The following WDFY3 variants were observed in gnomAD, a reference collection of about 807,000 sequenced individuals.
The protein encoded by WDFY3 is WD repeat and FYVE domain-containing protein 3.
In WDFY3, 66 loss-of-function variants were observed where a neutral mutation model predicts 409.6. The observed-to-expected ratio is 0.16, with a 90% CI of 0.13 to 0.20. The LOEUF (loss-of-function observed/expected upper bound fraction) is 0.20, where lower values mean the gene tolerates loss of function less well. Ranked by LOEUF, WDFY3 falls within the 10% of genes least tolerant of loss-of-function variation. The pLI is 1.00. For missense variants in WDFY3, 3,031 were observed against 4,298.1 expected (o/e 0.71, Z 8.24); for synonymous variants, 1,521 against 1,537.1 (o/e 0.99, Z 0.25).
chr4:84,777,270 G>A (rs970077451), intron 27 of WDFY3, among the ~76,000 whole-genome samples: 1 of 151,918 alleles, frequency 6.6e-6, no homozygotes, highest in African/African-American at 2.4e-5. Flanking sequence ...TAGATTTGAG[G>A]ATCAACTCCA....
At chr4:84,762,033 A>G (rs1288716825) in intron 32 of WDFY3, among the ~76,000 whole-genome samples, 1 of 152,192 alleles carries the variant, frequency 6.6e-6, no homozygotes, top group African/African-American at 2.4e-5. Context: ...AACTAGTTCA[A>G]CCATTGTGGA....
intron 2 of WDFY3, among the ~76,000 whole-genome samples, chr4:84,906,199 A>G (rs1767018025): frequency 1.3e-5 from 2 of 152,212 alleles, no homozygotes; most frequent in Non-Finnish European, 2.9e-5. Context: ...TATACAATTT[A>G]AAGTGTTTTA....
chr4:84,945,882 T>C (rs1160843808), intron 1 of WDFY3, among the ~76,000 whole-genome samples: 4 of 152,088 alleles, frequency 2.6e-5, no homozygotes, highest in African/African-American at 9.7e-5. Flanking sequence ...TTTCACTCAA[T>C]TGAAAGCAGA....
rs1188331172 is a variant in WDFY3, at chr4:84,966,358, G to C, written c.-375C>G. On this transcript the variant is annotated 5_prime_UTR_variant, in exon 1 of 68. Coordinates refer to ENST00000295888, the MANE Select transcript of WDFY3 (RefSeq NM_014991.6). ...GCCCGGGAGCCCCGCGCCGCGGGCC[G>C]GGGGCCGGGGCCCGAGCTCGATTCT... The C allele has an allele frequency of 1.3e-5, 2 of 149,876 alleles. No homozygotes were observed. The highest frequency in any genetic ancestry group is 6.6e-5 in the Admixed American group (1 of 15,064). The allele number at this position is 149,876 out of a possible 1,614,324, so 9.3% of individuals were successfully genotyped here.
intron 2 of WDFY3, among the ~76,000 whole-genome samples, chr4:84,909,285 C>G (rs1767459394): frequency 6.6e-6 from 1 of 152,058 alleles, no homozygotes; most frequent in Non-Finnish European, 1.5e-5. Context: ...ATTATGCTTT[C>G]TTGACAGATT....
At chr4:84,795,012 A>G in intron 19 of WDFY3, 33 bp from the exon 20 acceptor site, 1 of 1,447,600 alleles carries the variant, frequency 6.9e-7, no homozygotes, top group Non-Finnish European at 9.2e-7. Flanking sequence ...CATATTAGAG[A>G]TCAATGACTC....
At chr4:84,914,022 T>A (rs1449240919) in intron 2 of WDFY3, among the ~76,000 whole-genome samples, 2 of 152,292 alleles carry the variant, frequency 1.3e-5, no homozygotes, top group East Asian at 3.9e-4. Context: ...ATGATTTTCT[T>A]AGTAACATTT....
At chr4:84,873,927 T>C (rs1238425940) in intron 3 of WDFY3, among the ~76,000 whole-genome samples, 1 of 151,846 alleles carries the variant, frequency 6.6e-6, no homozygotes, top group Non-Finnish European at 1.5e-5. Flanking sequence ...GCTACAGGCA[T>C]GCACAGCCAC....
intron 1 of WDFY3, among the ~76,000 whole-genome samples, chr4:84,953,144 T>G (rs1160271490): frequency 6.6e-6 from 1 of 151,792 alleles, no homozygotes; most frequent in Non-Finnish European, 1.5e-5. Context: ...CAACATGAGT[T>G]GACCCGAAGG....
intron 38 of WDFY3, among the ~76,000 whole-genome samples, chr4:84,741,131 A>G (rs1472244298): frequency 6.6e-6 from 1 of 152,306 alleles, no homozygotes; most frequent in Middle Eastern, 3.4e-3. Context: ...TCAACTCTTC[A>G]TGCTGTGTAA....
At chr4:84,919,758 T>C (rs1401117562) in intron 2 of WDFY3, among the ~76,000 whole-genome samples, 1 of 152,182 alleles carries the variant, frequency 6.6e-6, no homozygotes, top group East Asian at 1.9e-4. Context: ...TCCTGAGGCC[T>C]CCCAGCCATG....
At chr4:84,814,829 A>G (rs1421031749) in intron 13 of WDFY3, among the ~76,000 whole-genome samples, 1 of 152,170 alleles carries the variant, frequency 6.6e-6, no homozygotes, top group Non-Finnish European at 1.5e-5. Context: ...ACACAGGAAA[A>G]AAACATAGTA....
intron 34 of WDFY3, 101 bp downstream of exon 34, chr4:84,755,165 G>A: frequency 2.7e-6 from 4 of 1,498,030 alleles, no homozygotes; most frequent in Non-Finnish European, 3.6e-6. Flanking sequence ...AGATCATGCA[G>A]TAAATAAAGT....
intron 32 of WDFY3, 125 bp downstream of exon 32, chr4:84,765,685 T>A: frequency 1.4e-6 from 1 of 735,326 alleles, no homozygotes; most frequent in Admixed American, 3.0e-5. Context: ...CTTCCTTCTA[T>A]CATTAATTAA....
intron 1 of WDFY3, among the ~76,000 whole-genome samples, chr4:84,935,782 A>G (rs951776488): frequency 6.6e-6 from 1 of 152,208 alleles, no homozygotes; most frequent in Non-Finnish European, 1.5e-5. Flanking sequence ...GAAATCTAAA[A>G]TATTATAAAA....
At chr4:84,855,294 C>G (rs1759606869) in intron 4 of WDFY3, among the ~76,000 whole-genome samples, 1 of 152,186 alleles carries the variant, frequency 6.6e-6, no homozygotes, top group Admixed American at 6.5e-5. Context: ...AAGCCAGGCT[C>G]TTCATCACTC....
intron 2 of WDFY3, among the ~76,000 whole-genome samples, chr4:84,915,965 C>T (rs987990371): frequency 1.3e-5 from 2 of 152,180 alleles, no homozygotes; most frequent in African/African-American, 4.8e-5. Context: ...GAACCTGTTT[C>T]ATAATAAACT....
intron 2 of WDFY3, among the ~76,000 whole-genome samples, chr4:84,907,728 C>G (rs1767229666): frequency 6.9e-6 from 1 of 144,658 alleles, no homozygotes; most frequent in Non-Finnish European, 1.5e-5. Flanking sequence ...AATCATTGAT[C>G]TGTGCCTACT....
chr4:84,826,682 A>G (rs1382401516), intron 10 of WDFY3, 133 bp downstream of exon 10: 11 of 886,026 alleles, frequency 1.2e-5, no homozygotes, highest in Non-Finnish European at 1.7e-5. Flanking sequence ...CCATTAAAAA[A>G]AAAACAAGCT....
Sources: gnomAD v4.1 joint callset for allele counts (sites outside exome capture counted in the v4.1 genomes callset) on GRCh38, gnomAD v4.1.1 for gene constraint, MANE v1.5 for transcripts, NCBI Gene and HGNC (gene_info 2026-07-23, HGNC 2026-07-21) for gene names.